Variants in CFAP418 observed in about 807,000 individuals in gnomAD.
CFAP418 encodes cilia and flagella associated protein 418.
A neutral mutation model predicts 24.7 loss-of-function variants in CFAP418; 27 were observed. The ratio of observed to expected loss-of-function variants is 1.09; its 90% CI spans 0.81 to 1.51. CFAP418 has a LOEUF of 1.51. CFAP418 is among the 40% of genes most tolerant of loss of function. CFAP418 has a pLI of 0.00. For synonymous variants in CFAP418, 74 were observed against 87.3 expected, an observed-to-expected ratio of 0.85 and a Z score of 0.85; for missense variants, 257 against 255.2, an observed-to-expected ratio of 1.01 and a Z score of -0.05.
chr8:95,267,645 G>T (rs1474562664), intron 1 of CFAP418, among the ~76,000 whole-genome samples: 1 of 152,106 alleles, frequency 6.6e-6, no homozygotes, highest in Non-Finnish European at 1.5e-5. Context: ...AGGTGAACTG[G>T]ATAGTAACAG....
Position 95,247,573 on chromosome 8 carries a change from A to C in CFAP418, c.*44T>G. The C allele has an allele frequency of 6.2e-7, 1 of 1,605,858 alleles. No individual in the cohort carries two copies. Among genetic ancestry groups the C allele is most frequent in the East Asian group, 2.2e-5 (1 of 44,840 alleles). On this transcript the variant is annotated 3_prime_UTR_variant, in exon 6 of 6. Transcript: ENST00000286688. Reference sequence around the variant, plus strand: ...CTAAACATGATGATGATTCATGGAGACCACTCTCATGGATGCATCTGTCCG... The same window carrying C: ...CTAAACATGATGATGATTCATGGAGCCCACTCTCATGGATGCATCTGTCCG...
At chr8:95,265,225 G>A (rs972961608) in intron 1 of CFAP418, among the ~76,000 whole-genome samples, 14 of 152,110 alleles carry the variant, frequency 9.2e-5, no homozygotes, top group South Asian at 6.2e-4. Flanking sequence ...CCCCAGGTGC[G>A]ACAATAAAAA....
chr8:95,268,752 G>A (rs1332582578), intron 1 of CFAP418: 21 of 153,022 alleles, frequency 1.4e-4, no homozygotes, highest in Admixed American at 4.7e-4. Flanking sequence ...CGGGCTCTGC[G>A]GGCGGGGCGG....
chr8:95,265,019 A>G (rs1275228274), intron 1 of CFAP418, among the ~76,000 whole-genome samples: 1 of 152,166 alleles, frequency 6.6e-6, no homozygotes, highest in Non-Finnish European at 1.5e-5. Flanking sequence ...CACGATTTCT[A>G]CTTCCTTACA....
intron 5 of CFAP418, among the ~76,000 whole-genome samples, chr8:95,249,209 A>G (rs184863530): frequency 1.1e-4 from 17 of 152,312 alleles, no homozygotes; most frequent in African/African-American, 3.8e-4. Flanking sequence ...GGATCTAATT[A>G]TGACATTTGA....
chr8:95,257,209 A>G (rs189940731), intron 4 of CFAP418, among the ~76,000 whole-genome samples: 31 of 152,310 alleles, frequency 2.0e-4, no homozygotes, highest in African/African-American at 7.0e-4. Flanking sequence ...ACAAGTCCCA[A>G]CTGAGTTGAG....
At chr8:95,262,219 C>T (rs1023419888) in intron 2 of CFAP418, among the ~76,000 whole-genome samples, 1 of 152,196 alleles carries the variant, frequency 6.6e-6, no homozygotes, top group Non-Finnish European at 1.5e-5. Flanking sequence ...GTCCTGGAAC[C>T]AATCCCTTGA....
intron 1 of CFAP418, among the ~76,000 whole-genome samples, chr8:95,268,330 A>C (rs1812040360): frequency 6.6e-6 from 1 of 151,926 alleles, no homozygotes. Flanking sequence ...CAGTTTACGT[A>C]ATCCCAGATT....
intron 2 of CFAP418, among the ~76,000 whole-genome samples, chr8:95,262,034 C>T (rs969435452): frequency 6.6e-6 from 1 of 152,194 alleles, no homozygotes; most frequent in East Asian, 1.9e-4. Context: ...GAACAACATG[C>T]GTTTCAACTG....
At chr8:95,252,740 T>C (rs1165876072) in intron 4 of CFAP418, among the ~76,000 whole-genome samples, 1 of 152,194 alleles carries the variant, frequency 6.6e-6, no homozygotes, top group African/African-American at 2.4e-5. Context: ...GGGAAAAGAT[T>C]GTATTTGTTT....
intron 1 of CFAP418, among the ~76,000 whole-genome samples, chr8:95,264,191 C>T (rs1017517689): frequency 1.3e-5 from 2 of 152,138 alleles, no homozygotes; most frequent in African/African-American, 4.8e-5. Context: ...GTCAACCATA[C>T]CTCTTTACTA....
intron 3 of CFAP418, 29 bp from the exon 4 acceptor site, chr8:95,259,934 T>C (rs1168882663): frequency 4.6e-6 from 7 of 1,537,218 alleles, no homozygotes; most frequent in South Asian, 2.5e-5. Flanking sequence ...TGCAAAAATA[T>C]GAAGTTATAA....
chr8:95,268,353 C>G (rs896843756), intron 1 of CFAP418, among the ~76,000 whole-genome samples: 1 of 152,008 alleles, frequency 6.6e-6, no homozygotes, highest in Non-Finnish European at 1.5e-5. Flanking sequence ...AGGCTCGTGC[C>G]TGTAATCCCA....
chr8:95,260,461 A>C lies in CFAP418; in HGVS notation c.308+7T>G, dbSNP rs2132161793. 6.3e-7 allele frequency: 1 copy of C among 1,579,736 alleles called. No individual in the cohort carries two copies. The highest frequency in any genetic ancestry group is 8.6e-7 in the Non-Finnish European group (1 of 1,164,176). On this transcript the variant is annotated splice_region_variant and intron_variant, in intron 3 of 5. Transcript: ENST00000286688. Reference sequence around the variant, plus strand: ...GTGTATAATTCACCAAAGCAATCTCAACTTACCTTTTACCAAGGCCTTCAA... The same window carrying C: ...GTGTATAATTCACCAAAGCAATCTCCACTTACCTTTTACCAAGGCCTTCAA...
At position 95,247,909 on chromosome 8, in the gene CFAP418, G is replaced by A. The variant is rs73266468; in HGVS notation, c.471-139C>T. ...CTCATTGTTACTCAGGCTGGATTGC[G>A]GTGGCACAATCATGGCTCACTGCAG... On this transcript the variant is annotated intron_variant, in intron 5 of 5. Coordinates refer to ENST00000286688, the MANE Select transcript of CFAP418 (RefSeq NM_177965.4). The A allele has an allele frequency of 1.9e-3, 1,697 of 872,788 alleles. 27 individuals are homozygous for A. The African/African-American group carries it at 0.026, about 14-fold the overall frequency. 54.1% of individuals were successfully genotyped at this position (872,788 alleles called of 1,614,324 possible).
chr8:95,265,845 A>T (rs62524389), intron 1 of CFAP418, among the ~76,000 whole-genome samples: 6,615 of 152,328 alleles, frequency 0.043, 224 homozygotes, highest in African/African-American at 0.085. Flanking sequence ...AAAGGACTGT[A>T]TAAGACTCTT....
chr8:95,266,812 G>T (rs1421407613), intron 1 of CFAP418, among the ~76,000 whole-genome samples: 3 of 152,188 alleles, frequency 2.0e-5, no homozygotes, highest in African/African-American at 4.8e-5. Flanking sequence ...ATTAAGGTGG[G>T]CTGAGGTACT....
At chr8:95,259,196 C>A (rs1237289069) in intron 4 of CFAP418, among the ~76,000 whole-genome samples, 3 of 152,046 alleles carry the variant, frequency 2.0e-5, no homozygotes, top group Non-Finnish European at 4.4e-5. Flanking sequence ...AAAAATAGAA[C>A]CAAAAGCAGC....
chr8:95,252,010 C>T (rs1426747446), intron 5 of CFAP418, among the ~76,000 whole-genome samples, 178 bp downstream of exon 5: 1 of 151,136 alleles, frequency 6.6e-6, no homozygotes, highest in African/African-American at 2.4e-5. Context: ...TATGGAACCA[C>T]CATGTATATA....
Sources: gnomAD v4.1 joint callset for allele counts (sites outside exome capture counted in the v4.1 genomes callset) on GRCh38, gnomAD v4.1.1 for gene constraint, MANE v1.5 for transcripts, NCBI Gene and HGNC (gene_info 2026-07-23, HGNC 2026-07-21) for gene names.